Variants in KHDRBS2 observed in about 807,000 individuals in gnomAD.
The protein encoded by KHDRBS2 is KH RNA binding domain containing, signal transduction associated 2.
KHDRBS2 carries 26 observed loss-of-function variants against 44.3 expected under a neutral mutation model. The ratio of observed to expected loss-of-function variants is 0.59; its 90% CI spans 0.43 to 0.81. The LOEUF is 0.81. KHDRBS2 is among the 40% of genes least tolerant of loss of function. The pLI, the probability that KHDRBS2 is intolerant of heterozygous loss-of-function variation, is 0.00. For synonymous variants in KHDRBS2, 194 were observed against 151.1 expected (o/e 1.28, Z -2.08); for missense variants, 476 against 433.1 (o/e 1.10, Z -0.88).
chr6:61,842,043 C>A (rs1394921754), intron 6 of KHDRBS2, among the ~76,000 whole-genome samples: 1 of 152,164 alleles, frequency 6.6e-6, no homozygotes, highest in Non-Finnish European at 1.5e-5. Context: ...ATATTCTTAG[C>A]TGTGTAAAGT....
chr6:61,593,189 T>A, the KHDRBS2 span, among the ~76,000 whole-genome samples: 1 of 152,190 alleles, frequency 6.6e-6, no homozygotes, highest in Non-Finnish European at 1.5e-5. Flanking sequence ...AATTCATAAG[T>A]CAATAGGCGT....
intron 2 of KHDRBS2, among the ~76,000 whole-genome samples, chr6:62,067,992 G>A (rs9346024): frequency 0.46 from 70,307 of 151,340 alleles, 17,551 homozygotes; most frequent in Non-Finnish European, 0.55. Flanking sequence ...TTATAATAAT[G>A]TTGTTAGAAA....
intron 2 of KHDRBS2, among the ~76,000 whole-genome samples, chr6:62,051,133 G>T (rs981108887): frequency 6.6e-6 from 1 of 152,096 alleles, no homozygotes; most frequent in East Asian, 1.9e-4. Flanking sequence ...GCTGGAAAGC[G>T]GCATGAAGGA....
At chr6:62,020,451 G>C (rs1399082622) in intron 3 of KHDRBS2, among the ~76,000 whole-genome samples, 1 of 151,940 alleles carries the variant, frequency 6.6e-6, no homozygotes, top group Non-Finnish European at 1.5e-5. Context: ...GTCTATAAAT[G>C]TCAATTAACT....
chr6:62,150,789 T>C (rs1045533575), intron 2 of KHDRBS2, among the ~76,000 whole-genome samples: 1 of 152,220 alleles, frequency 6.6e-6, no homozygotes, highest in Non-Finnish European at 1.5e-5. Flanking sequence ...AGGCTTTACA[T>C]TCCCACAACC....
At chr6:61,863,867 A>G (rs1301133809) in intron 6 of KHDRBS2, among the ~76,000 whole-genome samples, 1 of 152,134 alleles carries the variant, frequency 6.6e-6, no homozygotes, top group East Asian at 1.9e-4. Flanking sequence ...GATCTGTCTA[A>G]CATTGTTAGT....
At chr6:62,029,261 G>A (rs1783917803) in intron 3 of KHDRBS2, among the ~76,000 whole-genome samples, 1 of 151,754 alleles carries the variant, frequency 6.6e-6, no homozygotes, top group South Asian at 2.1e-4. Context: ...TAGGAATACA[G>A]TAACAAAATT....
intron 6 of KHDRBS2, among the ~76,000 whole-genome samples, chr6:61,849,203 C>A (rs552239): frequency 6.6e-6 from 1 of 151,724 alleles, no homozygotes; most frequent in Non-Finnish European, 1.5e-5. Flanking sequence ...CTTGTTAAAT[C>A]GACTATAAAT....
intron 3 of KHDRBS2, among the ~76,000 whole-genome samples, chr6:62,043,347 T>C (rs1786967566): frequency 6.6e-6 from 1 of 152,110 alleles, no homozygotes; most frequent in Non-Finnish European, 1.5e-5. Flanking sequence ...CAGCTGGCCA[T>C]ATGGTATATG....
At chr6:62,092,361 T>C (rs576529254) in intron 2 of KHDRBS2, among the ~76,000 whole-genome samples, 42 of 152,312 alleles carry the variant, frequency 2.8e-4, no homozygotes, top group African/African-American at 9.4e-4. Flanking sequence ...AATATCTTCA[T>C]AGAGGTAATC....
chr6:62,144,212 C>T (rs912873546), intron 2 of KHDRBS2, among the ~76,000 whole-genome samples: 1 of 151,864 alleles, frequency 6.6e-6, no homozygotes, highest in African/African-American at 2.4e-5. Flanking sequence ...ATTCTATTTT[C>T]TTACCTAAAA....
At chr6:61,895,277 T>G (rs1310031336) in intron 5 of KHDRBS2, among the ~76,000 whole-genome samples, 2 of 152,112 alleles carry the variant, frequency 1.3e-5, no homozygotes, top group South Asian at 2.1e-4. Flanking sequence ...ATCTCCTTTA[T>G]GCTGGGGATT....
At chr6:61,797,345 C>A (rs1785506840) in intron 6 of KHDRBS2, among the ~76,000 whole-genome samples, 1 of 152,004 alleles carries the variant, frequency 6.6e-6, no homozygotes. Context: ...TCATCACAAG[C>A]CAGTAAGGTA....
At chr6:61,630,044 A>G in the KHDRBS2 span, among the ~76,000 whole-genome samples, 1 of 152,236 alleles carries the variant, frequency 6.6e-6, no homozygotes, top group African/African-American at 2.4e-5. Flanking sequence ...CCAGTAGGAA[A>G]TCTTTAAATT....
At chr6:61,975,059 C>A (rs867106710) in intron 4 of KHDRBS2, among the ~76,000 whole-genome samples, 16 of 152,232 alleles carry the variant, frequency 1.1e-4, no homozygotes, top group Middle Eastern at 3.4e-3. Context: ...TTGTCTTCAG[C>A]AATCCACTTA....
intron 2 of KHDRBS2, among the ~76,000 whole-genome samples, chr6:62,112,359 A>C (rs1805201140): frequency 6.6e-6 from 1 of 152,164 alleles, no homozygotes; most frequent in African/African-American, 2.4e-5. Context: ...GGAAATGATT[A>C]CTGTATGTTT....
the KHDRBS2 span, among the ~76,000 whole-genome samples, chr6:61,650,593 T>A: frequency 8.4e-6 from 1 of 118,670 alleles, no homozygotes; most frequent in Non-Finnish European, 1.8e-5. Context: ...GTCAAATACA[T>A]GAAAAACTTA....
At chr6:61,663,797 T>C in the KHDRBS2 span, among the ~76,000 whole-genome samples, 9 of 151,580 alleles carry the variant, frequency 5.9e-5, no homozygotes, top group Admixed American at 1.3e-4. Context: ...ATGAATAAAC[T>C]TTAAGATGTC....
intron 2 of KHDRBS2, among the ~76,000 whole-genome samples, chr6:62,138,100 A>G (rs1439760924): frequency 2.6e-5 from 4 of 152,224 alleles, no homozygotes; most frequent in Admixed American, 2.6e-4. Flanking sequence ...CACAACCACA[A>G]TTGATCACTA....
Sources: allele counts gnomAD v4.1 joint callset (sites outside exome capture counted in the v4.1 genomes callset), GRCh38; gene constraint gnomAD v4.1.1; transcripts MANE v1.5; gene names NCBI Gene and HGNC (gene_info 2026-07-23, HGNC 2026-07-21).